The following CPOX variants were observed in gnomAD, a reference collection of about 807,000 sequenced individuals.
CPOX encodes the protein oxygen-dependent coproporphyrinogen-III oxidase, mitochondrial.
In CPOX, 24 loss-of-function variants were observed where a neutral mutation model predicts 48.9. That is an observed-to-expected ratio of 0.49 (90% CI 0.36 to 0.69). The LOEUF is 0.69. Ranked by LOEUF, CPOX falls within the 30% of genes least tolerant of loss-of-function variation. CPOX has a pLI of 0.00. For synonymous variants in CPOX, 249 were observed against 234.6 expected, an observed-to-expected ratio of 1.06 and a Z score of -0.56; for missense variants, 549 against 597.3, an observed-to-expected ratio of 0.92 and a Z score of 0.84.
intron 5 of CPOX, among the ~76,000 whole-genome samples, chr3:98,584,424 T>G (rs1707318746): frequency 6.6e-6 from 1 of 152,202 alleles, no homozygotes; most frequent in African/African-American, 2.4e-5. Context: ...TTAAGAAATT[T>G]CTAAAAATTT....
chr3:98,589,698 A>G (rs1440266837), intron 3 of CPOX: 1 of 152,324 alleles, frequency 6.6e-6, no homozygotes, highest in Non-Finnish European at 1.5e-5. Context: ...TCACAGGTCC[A>G]TGAGTTGTCA....
intron 5 of CPOX, among the ~76,000 whole-genome samples, chr3:98,584,043 C>A (rs2107117941): frequency 6.6e-6 from 1 of 152,330 alleles, no homozygotes; most frequent in Non-Finnish European, 1.5e-5. Flanking sequence ...TCAGAATGAT[C>A]TGCCATCAAA....
At chr3:98,587,260 G>C (rs568144009) in intron 4 of CPOX, among the ~76,000 whole-genome samples, 2 of 152,008 alleles carry the variant, frequency 1.3e-5, no homozygotes, top group Non-Finnish European at 2.9e-5. Context: ...GTCTAAAAAA[G>C]TATATCCTGA....
At chr3:98,582,542 G>T (rs1398137260) in intron 5 of CPOX, among the ~76,000 whole-genome samples, 1 of 151,390 alleles carries the variant, frequency 6.6e-6, no homozygotes, top group Non-Finnish European at 1.5e-5. Flanking sequence ...GCCCAGGCTG[G>T]AGTGCAGTGG....
chr3:98,590,412 G>C, intron 3 of CPOX: 1 of 570,496 alleles, frequency 1.8e-6, no homozygotes, highest in South Asian at 1.8e-5. Context: ...GCCTCCCAAA[G>C]TGCTGGGATT....
At chr3:98,587,123 C>T (rs1240872837) in intron 4 of CPOX, among the ~76,000 whole-genome samples, 1 of 152,082 alleles carries the variant, frequency 6.6e-6, no homozygotes, top group Non-Finnish European at 1.5e-5. Flanking sequence ...ACCTTAAATA[C>T]AGCTTCAATT....
chr3:98,593,420 G>C lies in CPOX; in HGVS notation c.85C>G (p.Gln29Glu), dbSNP rs121917871. Residue 29 changes from glutamine to glutamate, a missense_variant, in exon 1 of 7, where the codon CAG becomes GAG. By Grantham distance (29) the Gln-to-Glu change is conservative. This residue lies in a region of CPOX where 336 missense variants were observed against 318.1 expected (regional missense o/e 1.06). Coordinates refer to ENST00000647941, the MANE Select transcript of CPOX (RefSeq NM_000097.7). ...GGCGGPRAWS[Q>E]CGGGGLRAWS... is the part of the protein sequence containing the mutation. Reference sequence around the variant, plus strand: ...GCTCGGAGCCCTCCGCCGCCGCACTGGGACCAGGCGCGGGGCCCTCCGCAG... The same window carrying C: ...GCTCGGAGCCCTCCGCCGCCGCACTCGGACCAGGCGCGGGGCCCTCCGCAG... The C allele has an allele frequency of 4.1e-6, 6 of 1,459,034 alleles. No homozygotes were observed. The highest frequency in any genetic ancestry group is 5.4e-6 in the Non-Finnish European group (6 of 1,113,402). The allele number at this position is 1,459,034 out of a possible 1,614,324, so 90.4% of individuals were successfully genotyped here. A position where few individuals can be genotyped will look rare whatever the true frequency, so the allele number is the denominator to read the frequency against.
chr3:98,580,491 C>G lies in CPOX; in HGVS notation c.*192G>C. On this transcript the variant is annotated 3_prime_UTR_variant, in exon 7 of 7. Transcript: ENST00000647941. ...ATAAATGAGGTTTAATCAATTGACT[C>G]TGACAATCTGCCATCTCACCATTCA... 7.0e-7 allele frequency: 1 copy of G among 1,431,172 alleles called. No individual in the cohort carries two copies. The highest frequency in any genetic ancestry group is 9.1e-7 in the Non-Finnish European group (1 of 1,094,624). 88.7% of individuals were successfully genotyped at this position (1,431,172 alleles called of 1,614,324 possible).
At position 98,593,463 on chromosome 3, in the gene CPOX, C is replaced by G. The variant is rs905263348; in HGVS notation, c.42G>C (p.Trp14Cys). Reference sequence around the variant, plus strand: ...CTCCGCAGCCGCCCCGCGCCACGAGCCAGCAGGGGCCCGAGCTCAGCCTGC... The same window carrying G: ...CTCCGCAGCCGCCCCGCGCCACGAGGCAGCAGGGGCCCGAGCTCAGCCTGC... ...QLGRLSSGPCWLVARGGCGGP... is the reference protein window; with the variant it reads ...QLGRLSSGPCCLVARGGCGGP... Residue 14 changes from tryptophan to cysteine, a missense_variant, in exon 1 of 7, where the codon TGG becomes TGC. Physicochemically the swap from Trp to Cys is radical, Grantham distance 215. Transcript: ENST00000647941. 5.3e-6 allele frequency: 8 copies of G among 1,506,514 alleles called. No individual in the cohort carries two copies. Among genetic ancestry groups the G allele is most frequent in the Non-Finnish European group, 5.3e-6 (6 of 1,134,224 alleles). The allele number at this position is 1,506,514 out of a possible 1,614,324, so 93.3% of individuals were successfully genotyped here.
chr3:98,576,006 A>T (rs963376120), downstream of CPOX, among the ~76,000 whole-genome samples: 3 of 133,152 alleles, frequency 2.3e-5, no homozygotes, highest in African/African-American at 8.3e-5. Context: ...CAGGAGGCAG[A>T]GGTTGTGGTG....
chr3:98,585,469 T>A lies in CPOX; in HGVS notation c.1144A>T (p.Lys382Ter). 6.2e-7 allele frequency: 1 copy of A among 1,614,046 alleles called. No homozygotes were observed. ...HCDDSFTPQE[K>*]LWQQLRRGRY... Reference sequence around the variant, plus strand: ...CCTCTTCTGAGCTGCTGCCACAGCTTCTCCTGGGGGGTGAATGAGTCATCA... The same window carrying A: ...CCTCTTCTGAGCTGCTGCCACAGCTACTCCTGGGGGGTGAATGAGTCATCA... Residue 382 changes from lysine (K) to a stop codon, truncating the protein, a stop_gained, in exon 5 of 7, where the codon AAG becomes TAG. Coordinates refer to ENST00000647941, the MANE Select transcript of CPOX (RefSeq NM_000097.7). LOFTEE classifies it high-confidence loss of function.
At chr3:98,583,978 C>A (rs1051683565) in intron 5 of CPOX, among the ~76,000 whole-genome samples, 3 of 152,138 alleles carry the variant, frequency 2.0e-5, no homozygotes, top group Non-Finnish European at 4.4e-5. Flanking sequence ...TCTACTACCC[C>A]ACAGTTCTGC....
downstream of CPOX, among the ~76,000 whole-genome samples, chr3:98,577,996 G>C (rs1707187490): frequency 6.6e-6 from 1 of 152,320 alleles, no homozygotes; most frequent in African/African-American, 2.4e-5. Context: ...GTACAGTGAT[G>C]AACAGAAAAT....
intron 4 of CPOX, among the ~76,000 whole-genome samples, chr3:98,586,529 T>C (rs2698315): frequency 0.64 from 97,670 of 151,790 alleles, 31,533 homozygotes; most frequent in East Asian, 0.75. Flanking sequence ...AGATGATATC[T>C]TTTATTATTT....
chr3:98,575,105 AAG>A (rs1458025290), downstream of CPOX, among the ~76,000 whole-genome samples: 1 of 152,214 alleles, frequency 6.6e-6, no homozygotes, highest in Non-Finnish European at 1.5e-5. Context: ...AATTGCTATA[AAG>A]ACTTTTATTT....
At chr3:98,582,529 G>T (rs566313619) in intron 5 of CPOX, among the ~76,000 whole-genome samples, 2 of 143,730 alleles carry the variant, frequency 1.4e-5, no homozygotes, top group African/African-American at 2.6e-5. Context: ...ATCTTACTCT[G>T]TTGCCCAGGC....
chr3:98,593,225 C>G lies in CPOX; in HGVS notation c.280G>C (p.Gly94Arg). The G allele has an allele frequency of 1.3e-6, 2 of 1,562,152 alleles. No homozygotes were observed. Among genetic ancestry groups the G allele is most frequent in the Non-Finnish European group, 1.7e-6 (2 of 1,155,352 alleles). The change falls in exon 1 of 7, where the codon GGG becomes CGG. Residue 94 changes from glycine to arginine, a missense_variant. By Grantham distance (125) the Gly-to-Arg change is moderately radical. Transcript: ENST00000647941. ...AACATCTCCGCCCGCTGCACATGCCCGAAGGCGGCGGTGGCCAGCCCCACC... is the reference window on the plus strand; with the variant it reads ...AACATCTCCGCCCGCTGCACATGCCGGAAGGCGGCGGTGGCCAGCCCCACC... ...GLVGLATAAF[G>R]HVQRAEMLPK...
downstream of CPOX, among the ~76,000 whole-genome samples, chr3:98,574,884 T>C (rs967836584): frequency 1.3e-5 from 2 of 152,208 alleles, no homozygotes; most frequent in African/African-American, 4.8e-5. Flanking sequence ...CAGCCTGTAT[T>C]CAGGTAGTAT....
rs529138777 is a variant in CPOX, at chr3:98,593,506, T to A, written c.-2A>T. 1.6e-5 allele frequency: 25 copies of A among 1,521,620 alleles called. No individual in the cohort carries two copies. The African/African-American group carries it at 1.9e-4, about 12-fold the overall frequency. 94.3% of individuals were successfully genotyped at this position (1,521,620 alleles called of 1,614,324 possible). ...CAGCCTGCCCAGCTGCAAGGCCATG[T>A]TCCCGCACTATCACCTGGAGCAGTG... On this transcript the variant is annotated 5_prime_UTR_variant, in exon 1 of 7. Transcript: ENST00000647941.
Sources: gnomAD v4.1 joint callset for allele counts (sites outside exome capture counted in the v4.1 genomes callset) on GRCh38, gnomAD v4.1.1 for gene constraint, gnomAD v4.1.1 regional missense constraint, MANE v1.5 for transcripts, NCBI Gene and HGNC (gene_info 2026-07-23, HGNC 2026-07-21) for gene names.